The following PHEX variants were observed in gnomAD, a reference collection of about 807,000 sequenced individuals.
PHEX encodes phosphate regulating endopeptidase X-linked, also known as phosphate-regulating neutral endopeptidase PHEX.
PHEX carries 16 observed loss-of-function variants against 68.0 expected under a neutral mutation model. The observed-to-expected ratio is 0.24, with a 90% CI of 0.16 to 0.36. PHEX has a LOEUF of 0.36. PHEX is among the 10% of genes least tolerant of loss of function. PHEX has a pLI of 1.00. For synonymous variants in PHEX, 208 were observed against 205.1 expected, an observed-to-expected ratio of 1.01 and a Z score of -0.12; for missense variants, 480 against 575.5, an observed-to-expected ratio of 0.83 and a Z score of 1.70.
At position 22,090,466 on chromosome X, in the gene PHEX, A is replaced by G. The variant is rs1929831487; in HGVS notation, c.701A>G (p.Asp234Gly). 3.3e-6 allele frequency: 4 copies of G among 1,208,230 alleles called. No individual in the cohort carries two copies. Among genetic ancestry groups the G allele is most frequent in the Non-Finnish European group, 3.4e-6 (3 of 892,133 alleles). The change falls in exon 6 of 22, where the codon GAC (aspartate) becomes GGC (glycine). Residue 234 changes from aspartate (D) to glycine (G), a missense_variant. Physicochemically the swap from Asp to Gly is moderately conservative, Grantham distance 94 (BLOSUM62 -1). Transcript: ENST00000379374. ...QATLSLAVRE[D>G]YLDNSTEAKS... ...ACACTCTCCCTGGCCGTGAGGGAAG[A>G]CTACCTTGATAACAGTACAGAAGCC... is the stretch of plus-strand genomic sequence containing the variant.
At chrX:22,246,955 C>A (rs1438077970) in intron 21 of PHEX, among the ~76,000 whole-genome samples, 1 of 111,310 alleles carries the variant, frequency 9.0e-6, no homozygotes, top group Non-Finnish European at 1.9e-5. Flanking sequence ...TGGCTTGTTA[C>A]TGAGGTCTGC....
At chrX:22,230,739 T>A (rs1935702885) in intron 20 of PHEX, among the ~76,000 whole-genome samples, 1 of 111,791 alleles carries the variant, frequency 8.9e-6, no homozygotes, top group African/African-American at 3.3e-5. Context: ...ACAGTTTGAC[T>A]TCCTCTTTTC....
Position 22,249,395 on chromosome X carries a change from A to T in PHEX, c.*1442A>T, listed in dbSNP as rs1936489320. Reference sequence around the variant, plus strand: ...CTCAAAAGCAAAATGACAAATTCAGATTAACCACAGGAAGCCATTGTGTGT... The same window carrying T: ...CTCAAAAGCAAAATGACAAATTCAGTTTAACCACAGGAAGCCATTGTGTGT... On this transcript the variant is annotated 3_prime_UTR_variant, in exon 22 of 22. Coordinates refer to ENST00000379374, the MANE Select transcript of PHEX (RefSeq NM_000444.6). 1 of 97,215 alleles carries T rather than the reference A, an allele frequency of 1.0e-5. No homozygotes were observed. Among genetic ancestry groups the T allele is most frequent in the African/African-American group, 4.0e-5 (1 of 25,286 alleles). The allele number at this position is 97,215 out of a possible 1,213,427, so 8.0% of individuals were successfully genotyped here.
At chrX:22,170,550 A>C (rs912488189) in intron 13 of PHEX, among the ~76,000 whole-genome samples, 2 of 112,044 alleles carry the variant, frequency 1.8e-5, no homozygotes, top group Non-Finnish European at 3.8e-5. Context: ...AATGAACCCT[A>C]ACATACAATC....
At chrX:22,190,714 A>C (rs16981831) in intron 15 of PHEX, among the ~76,000 whole-genome samples, 2 of 111,554 alleles carry the variant, frequency 1.8e-5, no homozygotes, top group Admixed American at 1.9e-4. Flanking sequence ...CCACTGATTG[A>C]AAAAAAGTCA....
intron 9 of PHEX, 86 bp downstream of exon 9, chrX:22,099,237 G>A (rs1930309138): frequency 1.8e-5 from 16 of 913,893 alleles, no homozygotes; most frequent in Non-Finnish European, 2.4e-5. Flanking sequence ...TTTGAAAACT[G>A]TTTTTAAAGA....
intron 17 of PHEX, among the ~76,000 whole-genome samples, chrX:22,219,489 T>C (rs1373571278): frequency 8.9e-6 from 1 of 112,735 alleles, no homozygotes; most frequent in Non-Finnish European, 1.9e-5. Flanking sequence ...TGATTATACA[T>C]GCTGCCAAGT....
At chrX:22,164,727 T>C (rs1933255619) in intron 12 of PHEX, among the ~76,000 whole-genome samples, 1 of 112,525 alleles carries the variant, frequency 8.9e-6, no homozygotes, top group Admixed American at 9.4e-5. Context: ...TTACTTGCTA[T>C]AGTTATGCAT....
At chrX:22,145,595 G>A (rs1388576438) in intron 12 of PHEX, among the ~76,000 whole-genome samples, 2 of 102,728 alleles carry the variant, frequency 1.9e-5, no homozygotes, top group African/African-American at 3.6e-5. Flanking sequence ...CAGCCTGGGT[G>A]ATAGAGCAAG....
At chrX:22,105,872 G>C (rs1222956218) in intron 9 of PHEX, among the ~76,000 whole-genome samples, 2 of 111,562 alleles carry the variant, frequency 1.8e-5, no homozygotes, top group Non-Finnish European at 3.8e-5. Context: ...TTCTGATTTT[G>C]GATTTATTCA....
intron 1 of PHEX, among the ~76,000 whole-genome samples, chrX:22,033,433 GTGTT>G (rs1926889058): frequency 8.9e-6 from 1 of 111,811 alleles, no homozygotes; most frequent in Admixed American, 9.5e-5. Flanking sequence ...AGCAAAATGA[GTGTT>G]TGTGAATTCA....
At chrX:22,201,958 T>TA (rs1255227812) in intron 15 of PHEX, among the ~76,000 whole-genome samples, 23 of 98,096 alleles carry the variant, frequency 2.3e-4, no homozygotes, top group Non-Finnish European at 4.5e-4. Flanking sequence ...GTCTTCTCTT[T>TA]AAAAAATCAA....
chrX:22,059,209 TG>T (rs1928254098), intron 3 of PHEX, among the ~76,000 whole-genome samples: 1 of 111,897 alleles, frequency 8.9e-6, no homozygotes, highest in African/African-American at 3.3e-5. Context: ...GGTACTTGGA[TG>T]GGAAAAAATT....
intron 5 of PHEX, among the ~76,000 whole-genome samples, chrX:22,079,134 C>T (rs776194898): frequency 1.8e-5 from 2 of 112,017 alleles, no homozygotes; most frequent in African/African-American, 3.2e-5. Flanking sequence ...AGGCTGTTTT[C>T]CAAACTTAAG....
chrX:22,209,608 A>G (rs755367850), intron 15 of PHEX, among the ~76,000 whole-genome samples: 6 of 109,980 alleles, frequency 5.5e-5, no homozygotes, highest in African/African-American at 2.0e-4. Flanking sequence ...ACCTTGGCCA[A>G]TATTACCTAT....
At chrX:22,053,152 G>A (rs1439510154) in intron 3 of PHEX, among the ~76,000 whole-genome samples, 2 of 111,561 alleles carry the variant, frequency 1.8e-5, no homozygotes, top group African/African-American at 6.5e-5. Flanking sequence ...TCTATCAAAT[G>A]CTTTAAGTTT....
chrX:22,242,835 G>A (rs889674295), intron 20 of PHEX, among the ~76,000 whole-genome samples: 4 of 111,992 alleles, frequency 3.6e-5, no homozygotes, highest in East Asian at 5.6e-4. Flanking sequence ...AATCAATATC[G>A]TGAAAATGGC....
At chrX:22,221,994 C>T (rs909539558) in intron 18 of PHEX, among the ~76,000 whole-genome samples, 10 of 111,751 alleles carry the variant, frequency 8.9e-5, no homozygotes, top group African/African-American at 3.3e-4. Context: ...TACCTAAATC[C>T]TTGCTATGCC....
chrX:22,052,942 A>G (rs1276244904), intron 3 of PHEX, among the ~76,000 whole-genome samples: 1 of 111,103 alleles, frequency 9.0e-6, no homozygotes, highest in Non-Finnish European at 1.9e-5. Flanking sequence ...CCTAAAAGCT[A>G]TTGAAATAAA....
Sources: gnomAD v4.1 joint callset for allele counts (sites outside exome capture counted in the v4.1 genomes callset) on GRCh38, gnomAD v4.1.1 for gene constraint, MANE v1.5 for transcripts, NCBI Gene and HGNC (gene_info 2026-07-23, HGNC 2026-07-21) for gene names.